TENM3: variants seen among roughly 807,000 people sequenced by gnomAD.
TENM3 encodes teneurin transmembrane protein 3.
In TENM3, 63 loss-of-function variants were observed where a neutral mutation model predicts 255.1. The observed-to-expected ratio is 0.25, with a 90% confidence interval of 0.20 to 0.30. TENM3 has a LOEUF of 0.30. Among genes scored for constraint, TENM3 ranks in the 10% least tolerant of loss-of-function variants. The pLI is 1.00. For missense variants in TENM3, 2,929 were observed against 3,461.1 expected, an observed-to-expected ratio of 0.85 and a Z score of 3.86; for synonymous variants, 1,306 against 1,322.3, an observed-to-expected ratio of 0.99 and a Z score of 0.27.
intron 1 of TENM3, among the ~76,000 whole-genome samples, chr4:182,279,607 G>A (rs1351332370): frequency 6.6e-6 from 1 of 152,140 alleles, no homozygotes; most frequent in Non-Finnish European, 1.5e-5. Context: ...GTGGGAGCAG[G>A]AAATAAGGAT....
At chr4:181,992,271 T>C in the TENM3 span, among the ~76,000 whole-genome samples, 2 of 152,178 alleles carry the variant, frequency 1.3e-5, no homozygotes, top group East Asian at 1.9e-4. Context: ...TCAAACAGCA[T>C]GTTTTTAGTA....
chr4:182,647,326 T>C (rs1292282761), intron 5 of TENM3, among the ~76,000 whole-genome samples: 1 of 152,224 alleles, frequency 6.6e-6, no homozygotes, highest in Non-Finnish European at 1.5e-5. Context: ...TTACAAAATG[T>C]TTTTATAGTA....
chr4:181,698,048 A>G, the TENM3 span, among the ~76,000 whole-genome samples: 1 of 151,872 alleles, frequency 6.6e-6, no homozygotes, highest in African/African-American at 2.4e-5. Flanking sequence ...CCCTGTCTCT[A>G]CTAAAAATAC....
chr4:182,166,598 G>C (rs749940423), intron 1 of TENM3, among the ~76,000 whole-genome samples: 1 of 152,112 alleles, frequency 6.6e-6, no homozygotes, highest in Non-Finnish European at 1.5e-5. Flanking sequence ...GTAGTTTTAT[G>C]ATAGATTTTG....
At chr4:182,438,369 T>C (rs978463465) in intron 3 of TENM3, among the ~76,000 whole-genome samples, 2 of 152,230 alleles carry the variant, frequency 1.3e-5, no homozygotes, top group African/African-American at 4.8e-5. Context: ...GTTTCAGCCA[T>C]GCATTTTCCT....
the TENM3 span, among the ~76,000 whole-genome samples, chr4:181,621,002 T>C: frequency 6.6e-6 from 1 of 152,250 alleles, no homozygotes; most frequent in East Asian, 1.9e-4. Flanking sequence ...TAGCTAACTC[T>C]ATGGCACAGA....
chr4:182,683,893 G>A (rs1041704433), intron 11 of TENM3, among the ~76,000 whole-genome samples: 2 of 151,840 alleles, frequency 1.3e-5, no homozygotes, highest in African/African-American at 2.4e-5. Context: ...ACATTTGAAA[G>A]GAAAAGCAGA....
the TENM3 span, among the ~76,000 whole-genome samples, chr4:181,507,731 A>G: frequency 6.6e-6 from 1 of 152,366 alleles, no homozygotes; most frequent in East Asian, 1.9e-4. Flanking sequence ...GAGATGCTCA[A>G]ATCGATTGTT....
intron 3 of TENM3, among the ~76,000 whole-genome samples, chr4:182,387,922 A>G (rs996795782): frequency 3.3e-5 from 4 of 123,058 alleles, no homozygotes; most frequent in Non-Finnish European, 6.8e-5. Flanking sequence ...TCTGGTTTCT[A>G]AGGGGTGATA....
At chr4:181,525,299 A>G in the TENM3 span, among the ~76,000 whole-genome samples, 1 of 150,242 alleles carries the variant, frequency 6.7e-6, no homozygotes, top group East Asian at 2.0e-4. Flanking sequence ...TGGTCCAGCT[A>G]TGCTGGAGAA....
chr4:182,535,470 C>G (rs1740210711), intron 3 of TENM3, among the ~76,000 whole-genome samples: 1 of 152,110 alleles, frequency 6.6e-6, no homozygotes, highest in African/African-American at 2.4e-5. Flanking sequence ...AGTGGTGGCT[C>G]ATGCCTGTCA....
At chr4:181,816,601 C>T in the TENM3 span, among the ~76,000 whole-genome samples, 1 of 152,176 alleles carries the variant, frequency 6.6e-6, no homozygotes, top group Admixed American at 6.5e-5. Flanking sequence ...GCACCCACAA[C>T]ATTACATGTC....
chr4:181,549,269 A>G, the TENM3 span, among the ~76,000 whole-genome samples: 1 of 152,238 alleles, frequency 6.6e-6, no homozygotes, highest in Non-Finnish European at 1.5e-5. Context: ...AGGGGCACGA[A>G]CATGAAAGAG....
At chr4:182,014,005 CGTATATATACGTGTATATACGT>C in the TENM3 span, among the ~76,000 whole-genome samples, 6 of 67,432 alleles carry the variant, frequency 8.9e-5, no homozygotes, top group Admixed American at 1.7e-4. Flanking sequence ...CACATATATA[CGTATATATACGTGTATATACGT>C]ATATACACAT....
the TENM3 span, among the ~76,000 whole-genome samples, chr4:181,496,688 G>C: frequency 0.12 from 17,895 of 147,428 alleles, no homozygotes; most frequent in African/African-American, 0.44. Flanking sequence ...CAATATGCAC[G>C]TGCCAAATGA....
intron 22 of TENM3, among the ~76,000 whole-genome samples, chr4:182,762,622 G>A (rs1441042571): frequency 6.6e-6 from 1 of 152,132 alleles, no homozygotes; most frequent in East Asian, 1.9e-4. Context: ...CCTGGATCCC[G>A]TAACTCCTCA....
chr4:182,157,299 GGAA>G (rs1452740405), intron 1 of TENM3, among the ~76,000 whole-genome samples: 1 of 152,170 alleles, frequency 6.6e-6, no homozygotes, highest in African/African-American at 2.4e-5. Flanking sequence ...GTGGGGCATT[GGAA>G]GCCAGTGACC....
intron 23 of TENM3, among the ~76,000 whole-genome samples, chr4:182,774,447 G>A (rs1335049156): frequency 6.6e-6 from 1 of 152,064 alleles, no homozygotes; most frequent in African/African-American, 2.4e-5. Context: ...AATTTCGGAG[G>A]GAACATTGCT....
chr4:181,776,318 G>T, the TENM3 span, among the ~76,000 whole-genome samples: 1 of 151,936 alleles, frequency 6.6e-6, no homozygotes, highest in Non-Finnish European at 1.5e-5. Context: ...TTATTCATCC[G>T]TTGATGGACA....
Sources: allele counts gnomAD v4.1 joint callset (sites outside exome capture counted in the v4.1 genomes callset), GRCh38; gene constraint gnomAD v4.1.1; transcripts MANE v1.5; gene names NCBI Gene and HGNC (gene_info 2026-07-23, HGNC 2026-07-21).